Variants in KLF8 observed in about 807,000 individuals in gnomAD.
KLF8 encodes the protein Krueppel-like factor 8.
KLF8 carries 10 observed loss-of-function variants against 18.2 expected under a neutral mutation model. The observed-to-expected ratio is 0.55, with a 90% CI of 0.34 to 0.93. The LOEUF is 0.93. Ranked by LOEUF, KLF8 falls within the 40% of genes least tolerant of loss-of-function variation. The pLI, the probability that KLF8 is intolerant of heterozygous loss-of-function variation, is 0.02. For missense variants in KLF8, 264 were observed against 277.9 expected (o/e 0.95, Z 0.36); for synonymous variants, 109 against 97.3 (o/e 1.12, Z -0.71).
the KLF8 span, among the ~76,000 whole-genome samples, chrX:56,095,618 A>G: frequency 7.1e-5 from 8 of 112,178 alleles, no homozygotes; most frequent in Middle Eastern, 4.6e-3. Context: ...AAAAAAACAA[A>G]TAATATTATT....
At chrX:56,173,380 T>G in the KLF8 span, among the ~76,000 whole-genome samples, 1 of 112,093 alleles carries the variant, frequency 8.9e-6, no homozygotes, top group Admixed American at 9.5e-5. Context: ...TTCTTGTTTT[T>G]GCCAGTTTCT....
At chrX:56,026,436 G>A in the KLF8 span, among the ~76,000 whole-genome samples, 1 of 111,873 alleles carries the variant, frequency 8.9e-6, no homozygotes, top group Non-Finnish European at 1.9e-5. Flanking sequence ...CAGTATAGGA[G>A]GAGGACTATG....
chrX:56,099,839 G>A, the KLF8 span, among the ~76,000 whole-genome samples: 2 of 112,062 alleles, frequency 1.8e-5, no homozygotes, highest in African/African-American at 6.5e-5. Flanking sequence ...GGTTCTTGAG[G>A]TTTAAGAAAA....
the KLF8 span, among the ~76,000 whole-genome samples, chrX:56,203,779 G>T: frequency 1.8e-5 from 2 of 111,440 alleles, no homozygotes; most frequent in African/African-American, 6.5e-5. Flanking sequence ...TGTTCCACTG[G>T]TCTATGTGTC....
chrX:56,049,760 AT>A, the KLF8 span, among the ~76,000 whole-genome samples: 4 of 110,674 alleles, frequency 3.6e-5, no homozygotes, highest in African/African-American at 1.3e-4. Context: ...TGGCTTTGGT[AT>A]CAAAATGATG....
chrX:56,265,524 C>A lies in KLF8; in HGVS notation c.426C>A (p.Gly142=), dbSNP rs2066959203. ...SANIPTVLTP[G]SVLTSSQSTG... ...ACATTCCTACTGTTCTGACCCCAGG[C>A]TCTGTCCTGACCTCCTCTCAGAGCA... The change falls in exon 3 of 6, where the codon GGC becomes GGA. Residue 142 remains glycine (G), a synonymous_variant. Transcript: ENST00000468660. The A allele has an allele frequency of 8.3e-7, 1 of 1,210,104 alleles. No individual in the cohort carries two copies. Among genetic ancestry groups the A allele is most frequent in the African/African-American group, 1.7e-5 (1 of 57,347 alleles).
chrX:56,090,477 C>T, the KLF8 span, among the ~76,000 whole-genome samples: 1 of 111,498 alleles, frequency 9.0e-6, no homozygotes, highest in Non-Finnish European at 1.9e-5. Context: ...AATTATTAAA[C>T]CAGGAATTTT....
chrX:55,936,325 G>A, the KLF8 span, among the ~76,000 whole-genome samples: 6 of 112,131 alleles, frequency 5.4e-5, no homozygotes, highest in Admixed American at 3.8e-4. Flanking sequence ...TGGTGAACAA[G>A]ACAAAAAAAG....
chrX:56,183,294 T>C, the KLF8 span, among the ~76,000 whole-genome samples: 4 of 112,097 alleles, frequency 3.6e-5, no homozygotes, highest in Non-Finnish European at 7.5e-5. Context: ...ATCTCCTGGT[T>C]CCCCATTTAC....
At chrX:55,936,588 C>T in the KLF8 span, among the ~76,000 whole-genome samples, 717 of 112,600 alleles carry the variant, frequency 6.4e-3, 3 homozygotes, top group Non-Finnish European at 8.8e-3. Flanking sequence ...CATTGCCTCA[C>T]GCAGGAAACG....
the KLF8 span, among the ~76,000 whole-genome samples, chrX:55,956,421 G>C: frequency 5.4e-5 from 6 of 111,172 alleles, no homozygotes; most frequent in African/African-American, 2.0e-4. Flanking sequence ...ACACCCAAAA[G>C]TGAGATTACT....
chrX:55,972,814 C>A, the KLF8 span, among the ~76,000 whole-genome samples: 2 of 111,789 alleles, frequency 1.8e-5, no homozygotes, highest in Non-Finnish European at 3.8e-5. Flanking sequence ...AGATCGAATT[C>A]TATTTCTATG....
chrX:56,137,974 A>G, the KLF8 span, among the ~76,000 whole-genome samples: 1 of 105,021 alleles, frequency 9.5e-6, no homozygotes, highest in Non-Finnish European at 2.0e-5. Context: ...TAATCAAGAT[A>G]AAAAAGAGAA....
chrX:56,120,695 C>T, the KLF8 span, among the ~76,000 whole-genome samples: 3 of 111,548 alleles, frequency 2.7e-5, no homozygotes, highest in Admixed American at 2.9e-4. Flanking sequence ...GCCTTTCCCT[C>T]TTCTTTTGTA....
intron 1 of KLF8, among the ~76,000 whole-genome samples, chrX:56,246,657 A>C (rs1279670201): frequency 9.0e-6 from 1 of 111,513 alleles, no homozygotes; most frequent in Non-Finnish European, 1.9e-5. Flanking sequence ...TGGAGTATTG[A>C]CCAGAAGGGG....
chrX:56,174,909 G>A, the KLF8 span, among the ~76,000 whole-genome samples: 1 of 111,756 alleles, frequency 8.9e-6, no homozygotes, highest in Admixed American at 9.5e-5. Context: ...ATTCTCTGAT[G>A]GTAGTCTGTA....
chrX:56,028,091 G>A, the KLF8 span, among the ~76,000 whole-genome samples: 2 of 112,204 alleles, frequency 1.8e-5, no homozygotes, highest in Non-Finnish European at 3.8e-5. Flanking sequence ...GTCTTGGCCA[G>A]GGCCCCACAG....
At chrX:56,210,465 C>A in the KLF8 span, among the ~76,000 whole-genome samples, 1 of 111,320 alleles carries the variant, frequency 9.0e-6, no homozygotes, top group South Asian at 3.8e-4. Flanking sequence ...TTTTATGATT[C>A]TTTCGTTATC....
At chrX:56,096,449 A>G in the KLF8 span, among the ~76,000 whole-genome samples, 1 of 111,670 alleles carries the variant, frequency 9.0e-6, no homozygotes, top group Non-Finnish European at 1.9e-5. Flanking sequence ...TGAAAATTTT[A>G]AAAATGGTAT....
Sources: allele counts gnomAD v4.1 joint callset (sites outside exome capture counted in the v4.1 genomes callset), GRCh38; gene constraint gnomAD v4.1.1; transcripts MANE v1.5; gene names NCBI Gene and HGNC (gene_info 2026-07-23, HGNC 2026-07-21).